The following ATG10 variants were observed in gnomAD, a reference collection of about 807,000 sequenced individuals.
ATG10 encodes autophagy related 10.
A neutral mutation model predicts 32.1 loss-of-function variants in ATG10; 30 were observed. The observed-to-expected ratio is 0.94, with a 90% CI of 0.70 to 1.27. ATG10 has a LOEUF of 1.27. Ranked by LOEUF, ATG10 falls within the 50% of genes most tolerant of loss-of-function variation. The pLI is 0.00. For synonymous variants in ATG10, 87 were observed against 91.5 expected (o/e 0.95, Z 0.28); for missense variants, 233 against 262.3 (o/e 0.89, Z 0.77).
At chr5:82,035,420 G>A (rs1222263495) in intron 2 of ATG10, among the ~76,000 whole-genome samples, 4 of 152,146 alleles carry the variant, frequency 2.6e-5, no homozygotes, top group African/African-American at 7.2e-5. Flanking sequence ...TATTGAATGA[G>A]TGAATGAACG....
chr5:82,136,449 T>C (rs1433860749), intron 3 of ATG10, among the ~76,000 whole-genome samples: 1 of 152,186 alleles, frequency 6.6e-6, no homozygotes, highest in African/African-American at 2.4e-5. Context: ...AGCATTTGCT[T>C]GTCTGTAAAG....
Position 82,016,823 on chromosome 5 carries a change from G to T in ATG10, c.108+29145G>T, listed in dbSNP as rs559360595. 2.7e-4 allele frequency among the ~76,000 whole-genome samples: 41 copies of T among 151,984 alleles called. 1 individual carries two copies. The South Asian group carries it at 8.3e-3, about 31-fold the overall frequency. On this transcript the variant is annotated intron_variant, in intron 2 of 7. Coordinates refer to ENST00000282185, the MANE Select transcript of ATG10 (RefSeq NM_031482.5). ...CCTGCCTCAGCCTCCCAAGTAGCTG[G>T]GACTGTAGGCGCCTGCCACCACGCC...
chr5:82,240,900 A>T (rs55806516), intron 5 of ATG10, among the ~76,000 whole-genome samples: 5,100 of 152,216 alleles, frequency 0.034, 259 homozygotes, highest in African/African-American at 0.12. Context: ...AAATTTAAAC[A>T]CAAATAACAA....
intron 2 of ATG10, among the ~76,000 whole-genome samples, chr5:81,990,998 A>G (rs561776439): frequency 3.4e-4 from 52 of 152,358 alleles, no homozygotes; most frequent in African/African-American, 1.1e-3. Context: ...TGGTCATTTT[A>G]TGACCTCTGG....
intron 3 of ATG10, among the ~76,000 whole-genome samples, chr5:82,089,784 A>G (rs1328803839): frequency 2.0e-5 from 3 of 152,108 alleles, no homozygotes; most frequent in Non-Finnish European, 4.4e-5. Context: ...GTGCTCTAAG[A>G]TCCTATTAAA....
intron 3 of ATG10, among the ~76,000 whole-genome samples, chr5:82,158,664 A>G (rs1314292033): frequency 6.6e-6 from 1 of 152,106 alleles, no homozygotes; most frequent in African/African-American, 2.4e-5. Flanking sequence ...TCTGGAGCCA[A>G]TCCCCCGTGT....
At chr5:82,052,716 T>A (rs901908270) in intron 2 of ATG10, among the ~76,000 whole-genome samples, 1 of 152,178 alleles carries the variant, frequency 6.6e-6, no homozygotes. Flanking sequence ...TACAGTTACA[T>A]TTAAACATAT....
In ATG10 at chr5:82,252,627, T is replaced by C; in HGVS notation, c.519T>C (p.Thr173=). ...CCTGCAAGACGAATGAATTCATGAC[T>C]CCTGTATTAAAGAATTCTCAGAAAA... is the stretch of plus-strand genomic sequence containing the variant. ...LHPCKTNEFM[T]PVLKNSQKIN... Residue 173 remains threonine, a synonymous_variant, in exon 6 of 8, where the codon ACT becomes ACC. Transcript: ENST00000282185. 6.2e-7 allele frequency: 1 copy of C among 1,603,274 alleles called. No homozygotes were observed. The highest frequency in any genetic ancestry group is 8.5e-7 in the Non-Finnish European group (1 of 1,175,036).
chr5:82,065,620 A>G (rs535143252), intron 3 of ATG10, among the ~76,000 whole-genome samples: 1 of 152,136 alleles, frequency 6.6e-6, no homozygotes, highest in Non-Finnish European at 1.5e-5. Context: ...CACTTTATCA[A>G]TTTATGATTT....
At chr5:82,024,448 T>C (rs1250495445) in intron 2 of ATG10, among the ~76,000 whole-genome samples, 1 of 152,246 alleles carries the variant, frequency 6.6e-6, no homozygotes, top group African/African-American at 2.4e-5. Flanking sequence ...TTTCTATGTC[T>C]GTTTAATAAA....
intron 2 of ATG10, among the ~76,000 whole-genome samples, chr5:81,993,360 C>CTTCCTTCTTTCTTTTCTTTTCTTTTCTT: frequency 2.1e-5 from 1 of 46,772 alleles, no homozygotes; most frequent in Non-Finnish European, 4.0e-5. Flanking sequence ...TCTTTCTTTC[C>CTTCCTTCTTTCTTTTCTTTTCTTTTCTT]TTCTTTTCTT....
chr5:82,095,760 C>T (rs887181819), intron 3 of ATG10, among the ~76,000 whole-genome samples: 6 of 152,108 alleles, frequency 3.9e-5, no homozygotes, highest in Non-Finnish European at 7.4e-5. Context: ...ATTACTACTG[C>T]AGAAGTCACA....
At chr5:82,088,814 GA>G (rs932080945) in intron 3 of ATG10, among the ~76,000 whole-genome samples, 4 of 152,198 alleles carry the variant, frequency 2.6e-5, no homozygotes, top group African/African-American at 9.6e-5. Context: ...AGCACAGTTA[GA>G]GGGCTAGGTC....
chr5:81,994,992 G>C (rs1310056116), intron 2 of ATG10, among the ~76,000 whole-genome samples: 1 of 152,170 alleles, frequency 6.6e-6, no homozygotes, highest in Admixed American at 6.5e-5. Flanking sequence ...TGGTTCTCCT[G>C]CTTTTGTGCC....
At chr5:82,135,188 T>C (rs1273302509) in intron 3 of ATG10, among the ~76,000 whole-genome samples, 1 of 152,190 alleles carries the variant, frequency 6.6e-6, no homozygotes, top group African/African-American at 2.4e-5. Context: ...CCTGGATTCA[T>C]TGATTTTTTG....
At chr5:82,115,276 G>C (rs1311987915) in intron 3 of ATG10, among the ~76,000 whole-genome samples, 2 of 152,008 alleles carry the variant, frequency 1.3e-5, no homozygotes, top group African/African-American at 4.8e-5. Flanking sequence ...AATTTTGTTA[G>C]GTGTGATATC....
Position 82,107,522 on chromosome 5 carries a change from C to A in ATG10, c.216+48920C>A, listed in dbSNP as rs955878050. Reference sequence around the variant, plus strand: ...ATATTTTTGTTTACCTTAAAGCTTACAATGTATTTTAAAAATATTTTCTTT... The same window carrying A: ...ATATTTTTGTTTACCTTAAAGCTTAAAATGTATTTTAAAAATATTTTCTTT... On this transcript the variant is annotated intron_variant, in intron 3 of 7. Coordinates refer to ENST00000282185, the MANE Select transcript of ATG10 (RefSeq NM_031482.5). Among the ~76,000 whole-genome samples, 18 of 152,158 alleles carry A rather than the reference C, an allele frequency of 1.2e-4. No homozygotes were observed. The South Asian group carries it at 1.7e-3, about 14-fold the overall frequency.
chr5:82,202,364 C>T (rs1745100572), intron 5 of ATG10, among the ~76,000 whole-genome samples: 1 of 152,292 alleles, frequency 6.6e-6, no homozygotes, highest in East Asian at 1.9e-4. Flanking sequence ...AAACTGACCT[C>T]CCCTGAGCAA....
intron 3 of ATG10, among the ~76,000 whole-genome samples, chr5:82,099,360 T>C (rs977249559): frequency 1.6e-4 from 18 of 115,162 alleles, no homozygotes; most frequent in African/African-American, 6.3e-4. Flanking sequence ...TTAAGGGATA[T>C]TGGTATAATT....
Sources: gnomAD v4.1 joint callset for allele counts (sites outside exome capture counted in the v4.1 genomes callset) on GRCh38, gnomAD v4.1.1 for gene constraint, MANE v1.5 for transcripts, NCBI Gene and HGNC (gene_info 2026-07-23, HGNC 2026-07-21) for gene names.